The following ERBB2 variants were observed in gnomAD, a reference collection of about 807,000 sequenced individuals.
ERBB2 encodes the protein erb-b2 receptor tyrosine kinase 2.
In ERBB2, 61 loss-of-function variants were observed where a neutral mutation model predicts 149.0. The ratio of observed to expected loss-of-function variants is 0.41; its 90% CI spans 0.33 to 0.51. The LOEUF (loss-of-function observed/expected upper bound fraction) is 0.51, where lower values mean the gene tolerates loss of function less well. Ranked by LOEUF, ERBB2 falls within the 20% of genes least tolerant of loss-of-function variation. The pLI is 0.25. For synonymous variants in ERBB2, 633 were observed against 678.8 expected, an observed-to-expected ratio of 0.93 and a Z score of 1.05; for missense variants, 1,205 against 1,655.1, an observed-to-expected ratio of 0.73 and a Z score of 4.72.
chr17:39,694,260 T>TAC (rs55761415), upstream of ERBB2, among the ~76,000 whole-genome samples: 3 of 23,498 alleles, frequency 1.3e-4, no homozygotes, highest in African/African-American at 3.2e-4. Flanking sequence ...TATATATATA[T>TAC]ATATATATGT....
At chr17:39,706,800 T>C (rs2058468508) in intron 1 of ERBB2, 190 bp from the exon 2 acceptor site, 2 of 446,412 alleles carry the variant, frequency 4.5e-6, no homozygotes, top group Admixed American at 8.8e-5. Context: ...GAAATCCCTC[T>C]ACTTCCCAAG....
At chr17:39,722,144 G>A (rs771781351) in intron 16 of ERBB2, among the ~76,000 whole-genome samples, 7 of 151,890 alleles carry the variant, frequency 4.6e-5, no homozygotes, top group South Asian at 4.1e-4. Flanking sequence ...TCTCGAACTC[G>A]AGAGCTCAGG....
chr17:39,727,900 CCCT>C lies in ERBB2; in HGVS notation c.3631_3633del (p.Pro1211del). 6.2e-7 allele frequency: 1 copy of C among 1,614,166 alleles called. No individual in the cohort carries two copies. Among genetic ancestry groups the C allele is most frequent in the African/African-American group, 1.3e-5 (1 of 75,034 alleles). ...AGGGAGGAGCTGCCCCTCAGCCCCA[CCCT>C]CCTCCTGCCTTCAGCCCAGCCTTCG... On this transcript the variant is annotated inframe_deletion, in exon 27 of 27. Coordinates refer to ENST00000269571, the MANE Select transcript of ERBB2 (RefSeq NM_004448.4). The surrounding 1 kb of genome is among the most constrained non-coding windows in gnomAD (Gnocchi z 4.3).
intron 3 of ERBB2, 27 bp from the exon 4 acceptor site, chr17:39,709,291 G>A (rs2145468031): frequency 2.5e-6 from 4 of 1,613,722 alleles, no homozygotes; most frequent in Non-Finnish European, 3.4e-6. Flanking sequence ...AGGGGAAAGG[G>A]TCCTCTGATC....
upstream of ERBB2, chr17:39,694,600 T>C (rs1441510266): frequency 1.3e-5 from 2 of 151,816 alleles, no homozygotes; most frequent in Non-Finnish European, 2.9e-5. Flanking sequence ...ACCAGGTGGG[T>C]TCAGTGAATG....
chr17:39,704,124 C>A (rs1271908184), intron 1 of ERBB2, among the ~76,000 whole-genome samples: 1 of 152,196 alleles, frequency 6.6e-6, no homozygotes, highest in Non-Finnish European at 1.5e-5. Context: ...TTCATCCACT[C>A]ATTCATTCAT....
intron 3 of ERBB2, 87 bp downstream of exon 3, chr17:39,708,621 T>A: frequency 9.5e-7 from 1 of 1,053,306 alleles, no homozygotes; most frequent in Non-Finnish European, 1.4e-6. Context: ...TTGTGTGCAT[T>A]AGAAATGGTG....
At chr17:39,690,139 G>A (rs950016006), upstream of ERBB2, among the ~76,000 whole-genome samples, 1 of 152,098 alleles carries the variant, frequency 6.6e-6, no homozygotes, top group African/African-American at 2.4e-5. Flanking sequence ...AGACTGAAGT[G>A]CAGTGGCATG....
At chr17:39,719,338 T>C (rs1182164610) in intron 15 of ERBB2, among the ~76,000 whole-genome samples, 7 of 151,954 alleles carry the variant, frequency 4.6e-5, no homozygotes, top group Non-Finnish European at 7.4e-5. Flanking sequence ...TGTTAGAACA[T>C]GGAAAAACAT....
At chr17:39,709,966 G>C in intron 5 of ERBB2, 85 bp downstream of exon 5, 1 of 1,501,522 alleles carries the variant, frequency 6.7e-7, no homozygotes, top group Non-Finnish European at 9.2e-7. Flanking sequence ...ACATGGGAGG[G>C]GTGGGATAAC....
Position 39,712,026 on chromosome 17 carries a change from TG to T in ERBB2, c.1001del (p.Cys334SerfsTer20), listed in dbSNP as rs769703068. ...GGATGGAACACAGCGGTGTGAGAAG[TG>T]CAGCAAGCCCTGTGCCCGAGGTACC... is the stretch of plus-strand genomic sequence containing the variant. Reference protein sequence around the residue: ...AEDGTQRCEKCSKPCARVCYG... With the variant: ...AEDGTQRCEKXSKPCARVCYG... On this transcript the variant is annotated frameshift_variant, in exon 8 of 27. Transcript: ENST00000269571. LOFTEE classifies it high-confidence loss of function. The T allele has an allele frequency of 6.2e-7, 1 of 1,614,042 alleles. No individual in the cohort carries two copies. Among genetic ancestry groups the T allele is most frequent in the Non-Finnish European group, 8.5e-7 (1 of 1,180,004 alleles).
chr17:39,716,637 A>AG (rs1305452572), intron 14 of ERBB2, 32 bp downstream of exon 14: 5 of 1,596,782 alleles, frequency 3.1e-6, no homozygotes, highest in East Asian at 2.2e-5. Flanking sequence ...AGCTGGGTGG[A>AG]GGGGGGCAGC....
chr17:39,716,503 C>A lies in ERBB2; in HGVS notation c.1647-12C>A, dbSNP rs2145684920. On this transcript the variant is annotated splice_polypyrimidine_tract_variant and intron_variant, in intron 13 of 26. Transcript: ENST00000269571. ...TCCTCTCAGACCCCCTCACCACTGTCCCTTCTCTCAGGCTCCCCAGGGAGT... is the reference window on the plus strand; with the variant it reads ...TCCTCTCAGACCCCCTCACCACTGTACCTTCTCTCAGGCTCCCCAGGGAGT... 1 of 1,614,088 alleles carries A rather than the reference C, an allele frequency of 6.2e-7. No individual in the cohort carries two copies. Among genetic ancestry groups the A allele is most frequent in the African/African-American group, 1.3e-5 (1 of 75,046 alleles).
chr17:39,714,748 A>G (rs889103324), intron 9 of ERBB2, among the ~76,000 whole-genome samples: 2 of 151,002 alleles, frequency 1.3e-5, no homozygotes, highest in African/African-American at 4.9e-5. Context: ...CCTAGGCCAC[A>G]TTCCTAGAAA....
At position 39,721,745 on chromosome 17, in the gene ERBB2, T is replaced by C. The variant is rs1044053416; in HGVS notation, c.1947-1574T>C. 3.3e-5 allele frequency among the ~76,000 whole-genome samples: 5 copies of C among 152,142 alleles called. No homozygotes were observed. In the South Asian group the frequency reaches 6.2e-4, roughly 19 times the overall value. On this transcript the variant is annotated intron_variant, in intron 16 of 26. Transcript: ENST00000269571. Reference sequence around the variant, plus strand: ...GTACCCATGCAGCAGTCAGAATCTCTGGGGGTGGGGCCCCAAAATTGTATG... The same window carrying C: ...GTACCCATGCAGCAGTCAGAATCTCCGGGGGTGGGGCCCCAAAATTGTATG...
At chr17:39,693,521 G>A (rs1004159081), upstream of ERBB2, among the ~76,000 whole-genome samples, 3 of 151,714 alleles carry the variant, frequency 2.0e-5, no homozygotes, top group African/African-American at 4.8e-5. Flanking sequence ...TCCCTCTGTC[G>A]CCCAGCCTGG....
At chr17:39,707,292 C>G (rs996688148) in intron 2 of ERBB2, 151 bp downstream of exon 2, 1 of 634,406 alleles carries the variant, frequency 1.6e-6, no homozygotes, top group African/African-American at 1.9e-5. Context: ...CATCTAACCC[C>G]CATTCATTTT....
chr17:39,702,839 A>T (rs1017023980), intron 1 of ERBB2, among the ~76,000 whole-genome samples: 1 of 152,234 alleles, frequency 6.6e-6, no homozygotes, highest in Non-Finnish European at 1.5e-5. Context: ...AGAGAAATGA[A>T]GCAACTTATC....
exon 1 of ERBB2, chr17:39,688,167 C>T: frequency 1.5e-6 from 1 of 647,538 alleles, no homozygotes; most frequent in Non-Finnish European, 2.2e-6. Flanking sequence ...GGCGCCTGCC[C>T]CGCCCCTCGT....
Sources: gnomAD v4.1 joint callset for allele counts (sites outside exome capture counted in the v4.1 genomes callset) on GRCh38, gnomAD v4.1.1 for gene constraint, Gnocchi (gnomAD v3.1) non-coding constraint, MANE v1.5 for transcripts, NCBI Gene and HGNC (gene_info 2026-07-23, HGNC 2026-07-21) for gene names.